Variants in PCDHGA3 observed in about 807,000 individuals in gnomAD.
PCDHGA3 encodes protocadherin gamma subfamily A, 3.
Under a neutral mutation model 58.5 loss-of-function variants are expected in PCDHGA3, and 40 were observed. That is an observed-to-expected ratio of 0.68 (90% CI 0.53 to 0.89). The LOEUF (loss-of-function observed/expected upper bound fraction) is 0.89, where lower values mean the gene tolerates loss of function less well. Among genes scored for constraint, PCDHGA3 ranks in the 40% least tolerant of loss-of-function variants. The pLI, the probability that PCDHGA3 is intolerant of heterozygous loss-of-function variation, is 0.00. For missense variants in PCDHGA3, 1,223 were observed against 1,195.9 expected (o/e 1.02, Z -0.33); for synonymous variants, 530 against 525.7 (o/e 1.01, Z -0.11).
intron 1 of PCDHGA3, among the ~76,000 whole-genome samples, chr5:141,470,877 T>C (rs1438812002): frequency 1.3e-5 from 2 of 151,808 alleles, no homozygotes; most frequent in Non-Finnish European, 2.9e-5. Context: ...TTTGTTTTTT[T>C]GTTTTTGTTT....
chr5:141,421,403 A>G, intron 1 of PCDHGA3: 1 of 1,614,054 alleles, frequency 6.2e-7, no homozygotes, highest in Non-Finnish European at 8.5e-7. Context: ...GAGCCCCGGG[A>G]GCTGGCGAAG....
At position 141,432,247 on chromosome 5, in the gene PCDHGA3, C is replaced by G. The variant is rs139910620; in HGVS notation, c.2425-62560C>G. 61 of 1,614,264 alleles carry G rather than the reference C, an allele frequency of 3.8e-5. No homozygotes were observed. The African/African-American group carries it at 6.3e-4, about 17-fold the overall frequency. On this transcript the variant is annotated intron_variant, in intron 1 of 3. Transcript: ENST00000253812. The surrounding 1 kb of genome is among the most constrained non-coding windows in gnomAD (Gnocchi z 6.0). ...CTTATTCCCTGGCTGAGAACACCAT[C>G]CAAGGGGCAAGCCTATCGTCCTACG...
At chr5:141,348,006 G>A (rs536087157) in intron 1 of PCDHGA3, among the ~76,000 whole-genome samples, 65 of 152,256 alleles carry the variant, frequency 4.3e-4, no homozygotes, top group Admixed American at 3.5e-3. Context: ...CAGCCTCTGC[G>A]GGAGATTTCC....
At chr5:141,354,444 T>C (rs1759543565) in intron 1 of PCDHGA3, among the ~76,000 whole-genome samples, 1 of 152,238 alleles carries the variant, frequency 6.6e-6, no homozygotes, top group Non-Finnish European at 1.5e-5. Context: ...AAACCTATTA[T>C]CCTATTTGTC....
intron 1 of PCDHGA3, among the ~76,000 whole-genome samples, chr5:141,462,993 T>A (rs1350208420): frequency 1.3e-5 from 2 of 152,164 alleles, no homozygotes; most frequent in African/African-American, 4.8e-5. Flanking sequence ...TTGGGCTAAT[T>A]TAGACCTACC....
intron 1 of PCDHGA3, among the ~76,000 whole-genome samples, chr5:141,407,428 G>A (rs1211459456): frequency 6.6e-6 from 1 of 151,524 alleles, no homozygotes; most frequent in Non-Finnish European, 1.5e-5. Context: ...AATGTCTCTT[G>A]CCCTTAAAAC....
At position 141,344,912 on chromosome 5, in the gene PCDHGA3, T is replaced by A; in HGVS notation, c.879T>A (p.His293Gln). Reference sequence around the variant, plus strand: ...CTGGGAAAATCGCTGAGATTTTCCATCTTAACTCAGTGAGTGGAGAAGTAT... The same window carrying A: ...CTGGGAAAATCGCTGAGATTTTCCAACTTAACTCAGTGAGTGGAGAAGTAT... ...KMPGKIAEIF[H>Q]LNSVSGEVSI... The change falls in exon 1 of 4, where the codon CAT becomes CAA. Residue 293 changes from histidine (H) to glutamine (Q), a missense_variant. This residue lies in a region of PCDHGA3 where 791 missense variants were observed against 708.5 expected (regional missense o/e 1.12). Coordinates refer to ENST00000253812, the MANE Select transcript of PCDHGA3 (RefSeq NM_018916.4). 6.2e-7 allele frequency: 1 copy of A among 1,613,966 alleles called. No individual in the cohort carries two copies. The highest frequency in any genetic ancestry group is 8.5e-7 in the Non-Finnish European group (1 of 1,179,840).
rs138149681 is a variant in PCDHGA3, at chr5:141,486,735, G to A, written c.2425-8072G>A. Reference sequence around the variant, plus strand: ...CAGACAGGAGCTGTTCATGCTACTCGATCCTTTGACTATGAGCAAACCCAG... The same window carrying A: ...CAGACAGGAGCTGTTCATGCTACTCAATCCTTTGACTATGAGCAAACCCAG... On this transcript the variant is annotated intron_variant, in intron 1 of 3. Transcript: ENST00000253812. The surrounding 1 kb of genome is among the most constrained non-coding windows in gnomAD (Gnocchi z 5.0). 3.1e-4 allele frequency: 502 copies of A among 1,614,174 alleles called. 1 individual carries two copies. Among genetic ancestry groups the A allele is most frequent in the South Asian group, 1.8e-3 (161 of 91,086 alleles).
intron 1 of PCDHGA3, among the ~76,000 whole-genome samples, chr5:141,381,826 C>CTTTTTTTTTTTTTTTTT (rs770630741): frequency 6.7e-5 from 5 of 74,282 alleles, no homozygotes; most frequent in Admixed American, 1.9e-4. Flanking sequence ...CTTTCTTCTT[C>CTTTTTTTTTTTTTTTTT]TTTTTTTTTT....
intron 1 of PCDHGA3, chr5:141,383,042 T>C (rs1397489820): frequency 6.2e-7 from 1 of 1,613,842 alleles, no homozygotes; most frequent in Non-Finnish European, 8.5e-7. Flanking sequence ...GTGGGAGACA[T>C]CGCCAAGGAC....
intron 1 of PCDHGA3, chr5:141,400,723 C>A (rs1317017521): frequency 6.1e-6 from 4 of 660,798 alleles, no homozygotes; most frequent in Non-Finnish European, 7.7e-6. Flanking sequence ...TATAGATTTA[C>A]AAAGTAGTGA....
At chr5:141,397,756 A>AT (rs1283531463) in intron 1 of PCDHGA3, among the ~76,000 whole-genome samples, 1 of 152,210 alleles carries the variant, frequency 6.6e-6, no homozygotes, top group Admixed American at 6.5e-5. Context: ...AGTTGTTATA[A>AT]TTTTTTATTA....
chr5:141,352,307 G>C, intron 1 of PCDHGA3: 1 of 1,614,058 alleles, frequency 6.2e-7, no homozygotes, highest in African/African-American at 1.3e-5. Context: ...CCCCCAGACG[G>C]AACTGCAGTT....
chr5:141,393,730 G>C lies in PCDHGA3; in HGVS notation c.2424+47273G>C, dbSNP rs546435108. On this transcript the variant is annotated intron_variant, in intron 1 of 3. Transcript: ENST00000253812. The stretch of plus-strand genomic sequence containing the variant: ...ACTGGGGAAATATCAATAGCAAAAA[G>C]TCTAGATTATGAAGAATGTTCATTT... 3 of 1,613,844 alleles carry C rather than the reference G, an allele frequency of 1.9e-6. No individual in the cohort carries two copies. In the South Asian group the frequency reaches 3.3e-5, roughly 18 times the overall value.
chr5:141,357,170 C>A (rs1760495778), intron 1 of PCDHGA3: 1 of 1,613,716 alleles, frequency 6.2e-7, no homozygotes, highest in South Asian at 1.1e-5. Flanking sequence ...CTCTCGGCCA[C>A]CGTCACACTC....
chr5:141,366,214 A>T lies in PCDHGA3; in HGVS notation c.2424+19757A>T, dbSNP rs749592795. The T allele has an allele frequency of 7.4e-6, 12 of 1,613,810 alleles. No individual in the cohort carries two copies. In the Admixed American group the frequency reaches 2.0e-4, roughly 27 times the overall value. On this transcript the variant is annotated intron_variant, in intron 1 of 3. Transcript: ENST00000253812. ...GGCTGCACACGGGCGAGGTGCGCAC[A>T]GCGCGAGCCCTGCTGGACAGAGACG...
intron 1 of PCDHGA3, among the ~76,000 whole-genome samples, chr5:141,474,163 T>A (rs958292802): frequency 2.0e-5 from 3 of 152,178 alleles, no homozygotes; most frequent in Non-Finnish European, 2.9e-5. Flanking sequence ...ATGACAGGCC[T>A]TATTATTGAG....
At chr5:141,492,576 G>A (rs2099742137) in intron 1 of PCDHGA3, among the ~76,000 whole-genome samples, 1 of 152,234 alleles carries the variant, frequency 6.6e-6, no homozygotes, top group Admixed American at 6.5e-5. Context: ...AGCGAGGCGC[G>A]GGGCCAGGAG....
chr5:141,498,994 AAGG>A (rs1310594976), intron 2 of PCDHGA3, among the ~76,000 whole-genome samples: 4 of 148,560 alleles, frequency 2.7e-5, no homozygotes, highest in Non-Finnish European at 4.5e-5. Flanking sequence ...GGAAGGAAGG[AAGG>A]AAGGAAGGAA....
Sources: gnomAD v4.1 joint callset for allele counts (sites outside exome capture counted in the v4.1 genomes callset) on GRCh38, gnomAD v4.1.1 for gene constraint, gnomAD v4.1.1 regional missense constraint, Gnocchi (gnomAD v3.1) non-coding constraint, MANE v1.5 for transcripts, NCBI Gene and HGNC (gene_info 2026-07-23, HGNC 2026-07-21) for gene names.